Variants in INPP4A observed in about 807,000 individuals in gnomAD.
INPP4A encodes the protein inositol polyphosphate-4-phosphatase type I A.
In INPP4A, 33 loss-of-function variants were observed where a neutral mutation model predicts 119.8. The observed-to-expected ratio is 0.28, with a 90% CI of 0.21 to 0.37. The LOEUF is 0.37. Among genes scored for constraint, INPP4A ranks in the 10% least tolerant of loss-of-function variants. The pLI is 1.00. For synonymous variants in INPP4A, 496 were observed against 500.7 expected (o/e 0.99, Z 0.12); for missense variants, 956 against 1,289.9 (o/e 0.74, Z 3.97).
chr2:98,557,678 GGAGCTGCCCTGCCTCA>G (rs900831534), intron 16 of INPP4A, among the ~76,000 whole-genome samples: 8 of 152,130 alleles, frequency 5.3e-5, no homozygotes, highest in Non-Finnish European at 8.8e-5. Flanking sequence ...TTTTCACCAG[GGAGCTGCCCTGCCTCA>G]GAGCTGCCCT....
intron 23 of INPP4A, among the ~76,000 whole-genome samples, chr2:98,573,143 G>A (rs749825203): frequency 2.0e-5 from 3 of 152,146 alleles, no homozygotes; most frequent in Non-Finnish European, 4.4e-5. Flanking sequence ...GCTTAACACA[G>A]TCCATCTCTT....
intron 2 of INPP4A, 173 bp from the exon 3 acceptor site, chr2:98,519,773 G>A: frequency 4.5e-6 from 2 of 439,866 alleles, no homozygotes; most frequent in South Asian, 2.6e-5. Flanking sequence ...GAGTGGGGAG[G>A]AAGAAGTGAC....
At chr2:98,485,154 C>A (rs1345901245) in intron 1 of INPP4A, among the ~76,000 whole-genome samples, 3 of 152,176 alleles carry the variant, frequency 2.0e-5, no homozygotes, top group Admixed American at 1.3e-4. Flanking sequence ...GTAGTGGAGA[C>A]CATCCTGATC....
Position 98,548,994 on chromosome 2 carries a change from G to A in INPP4A, c.1163+2300G>A, listed in dbSNP as rs181161861. The A allele has an allele frequency of 3.7e-6, 6 of 1,610,166 alleles. No homozygotes were observed. The Admixed American group carries it at 1.0e-4, about 27-fold the overall frequency. On this transcript the variant is annotated intron_variant, in intron 13 of 24. Transcript: ENST00000409851. ...GGTGAGTTTTCTGTCTGTGGAGAGA[G>A]TGTCTGTTTGGGTCTCGTCCTCATG...
chr2:98,523,945 C>CA (rs1559001909), intron 4 of INPP4A, among the ~76,000 whole-genome samples: 2 of 152,066 alleles, frequency 1.3e-5, no homozygotes, highest in African/African-American at 4.8e-5. Context: ...GAATTATTTC[C>CA]AAACATGTCA....
chr2:98,491,334 G>A (rs1453989778), intron 1 of INPP4A, among the ~76,000 whole-genome samples: 2 of 152,236 alleles, frequency 1.3e-5, no homozygotes, highest in Admixed American at 1.3e-4. Context: ...GCCACGTAGG[G>A]CCTGGGGAGC....
chr2:98,533,743 G>C (rs998862453), intron 5 of INPP4A, among the ~76,000 whole-genome samples: 11 of 152,218 alleles, frequency 7.2e-5, no homozygotes, highest in Admixed American at 2.6e-4. Flanking sequence ...CAATGATCCT[G>C]TAAGCTTCAT....
At chr2:98,578,296 G>A (rs2106505300) in intron 24 of INPP4A, among the ~76,000 whole-genome samples, 1 of 152,324 alleles carries the variant, frequency 6.6e-6, no homozygotes, top group Middle Eastern at 3.4e-3. Flanking sequence ...AGCCACGCCT[G>A]TGCCCATTAG....
At chr2:98,517,218 C>G (rs548178658) in intron 1 of INPP4A, among the ~76,000 whole-genome samples, 2 of 152,292 alleles carry the variant, frequency 1.3e-5, no homozygotes, top group Non-Finnish European at 2.9e-5. Context: ...TTCCCCTTGA[C>G]GTTGTTTCTG....
rs753827839 is a variant in INPP4A, at chr2:98,544,042, TGC to T, written c.949+38_949+39del. 2.7e-4 allele frequency: 412 copies of T among 1,525,306 alleles called. 3 individuals carry two copies. In the South Asian group the frequency reaches 4.6e-3, roughly 17 times the overall value. 94.5% of individuals were successfully genotyped at this position (1,525,306 alleles called of 1,614,324 possible). A position where few individuals can be genotyped will look rare whatever the true frequency, so the allele number is the denominator to read the frequency against. On this transcript the variant is annotated intron_variant, in intron 11 of 24. Coordinates refer to ENST00000409851, the MANE Select transcript of INPP4A (RefSeq NM_001134225.2). ...CCCCCATGCTGTCACCACACACGCG[TGC>T]GCACACACACACACACACACTCTCA...
intron 1 of INPP4A, among the ~76,000 whole-genome samples, chr2:98,462,126 C>G (rs570495758): frequency 6.6e-6 from 1 of 152,222 alleles, no homozygotes; most frequent in African/African-American, 2.4e-5. Context: ...TGGTTAGATA[C>G]TATTTGTAAG....
At chr2:98,522,727 G>A (rs963805309) in intron 4 of INPP4A, among the ~76,000 whole-genome samples, 2 of 151,612 alleles carry the variant, frequency 1.3e-5, no homozygotes, top group Non-Finnish European at 2.9e-5. Context: ...GTGAAATTTC[G>A]GATCACAGGG....
At chr2:98,555,885 T>C (rs1396063956) in intron 16 of INPP4A, 77 bp downstream of exon 16, 2 of 1,463,554 alleles carry the variant, frequency 1.4e-6, no homozygotes, top group Non-Finnish European at 9.2e-7. Context: ...TGTCTCTGAC[T>C]CCATGCCCTC....
At chr2:98,470,702 C>T (rs988656346) in intron 1 of INPP4A, among the ~76,000 whole-genome samples, 3 of 151,678 alleles carry the variant, frequency 2.0e-5, no homozygotes, top group African/African-American at 7.3e-5. Flanking sequence ...GAGTCTTGCT[C>T]TGTTGCCCAG....
chr2:98,537,488 C>T (rs1280652856), intron 7 of INPP4A, among the ~76,000 whole-genome samples: 2 of 152,232 alleles, frequency 1.3e-5, no homozygotes, highest in South Asian at 2.1e-4. Flanking sequence ...AGGGCCAGAA[C>T]AAGGTGTTCT....
intron 23 of INPP4A, among the ~76,000 whole-genome samples, chr2:98,574,678 G>A (rs931959469): frequency 6.6e-6 from 1 of 151,956 alleles, no homozygotes; most frequent in Non-Finnish European, 1.5e-5. Flanking sequence ...ACACAGCTAG[G>A]TGTCTGAACA....
Position 98,555,797 on chromosome 2 carries a change from A to T in INPP4A, c.1811A>T (p.His604Leu). The change falls in exon 16 of 25, where the codon CAT becomes CTT. Residue 604 changes from histidine to leucine, a missense_variant. Around this residue, in one of 2 missense-constraint regions of INPP4A, gnomAD observed 652 missense variants for 797.9 expected, o/e 0.82. Coordinates refer to ENST00000409851, the MANE Select transcript of INPP4A (RefSeq NM_001134225.2). ...STMPSTACHPHLTTHCSPPPE... is the reference protein window; with the variant it reads ...STMPSTACHPLLTTHCSPPPE... ...ATGCCCTCCACTGCATGCCATCCTC[A>T]TCTGACCACACGTGCGTATGCATCC... The T allele has an allele frequency of 6.4e-7, 1 of 1,561,056 alleles. No individual in the cohort carries two copies.
intron 11 of INPP4A, 106 bp from the exon 12 acceptor site, chr2:98,545,863 A>T: frequency 2.7e-6 from 2 of 754,462 alleles, no homozygotes; most frequent in Non-Finnish European, 4.3e-6. Context: ...CTGCCGACAT[A>T]CCTGCTTATA....
chr2:98,564,675 G>A lies in INPP4A; in HGVS notation c.2064G>A (p.Leu688=). The A allele has an allele frequency of 6.2e-7, 1 of 1,613,114 alleles. No individual in the cohort carries two copies. The highest frequency in any genetic ancestry group is 8.5e-7 in the Non-Finnish European group (1 of 1,179,620). Residue 688 remains leucine, a synonymous_variant, in exon 19 of 25, where the codon CTG becomes CTA. Transcript: ENST00000409851. The part of the protein sequence containing the change: ...TALICGFIIK[L]RNCLHDDGFL... ...TCATCTGCGGCTTCATCATTAAGCT[G>A]AGGAACTGCCTGCATGACGACGGCT...
Sources: gnomAD v4.1 joint callset for allele counts (sites outside exome capture counted in the v4.1 genomes callset) on GRCh38, gnomAD v4.1.1 for gene constraint, gnomAD v4.1.1 regional missense constraint, MANE v1.5 for transcripts, NCBI Gene and HGNC (gene_info 2026-07-23, HGNC 2026-07-21) for gene names.